The following ROS1 variants were observed in gnomAD, a reference collection of about 807,000 sequenced individuals.
The protein encoded by ROS1 is proto-oncogene tyrosine-protein kinase ROS.
In ROS1, 263 loss-of-function variants were observed where a neutral mutation model predicts 273.5. The ratio of observed to expected loss-of-function variants is 0.96; its 90% confidence interval spans 0.87 to 1.06. The LOEUF is 1.06. Ranked by LOEUF, ROS1 falls within the 50% of genes least tolerant of loss-of-function variation. The pLI is 0.00. For synonymous variants in ROS1, 1,008 were observed against 954.1 expected, an observed-to-expected ratio of 1.06 and a Z score of -1.04; for missense variants, 2,833 against 2,751.1, an observed-to-expected ratio of 1.03 and a Z score of -0.67.
At position 117,344,200 on chromosome 6, in the gene ROS1, T is replaced by C. The variant is rs761724280; in HGVS notation, c.4366A>G (p.Thr1456Ala). ...AGAGGTAATCTGATTGTGAGGCTAG[T>C]GTTAGTGGCATTAAGTATAGTTGGT... ...VEPTILNATNTSLTIRLPLAK... is the reference protein window; with the variant it reads ...VEPTILNATNASLTIRLPLAK... Residue 1456 changes from threonine (T) to alanine (A), a missense_variant, in exon 28 of 44, where the codon ACT becomes GCT. Coordinates refer to ENST00000368507, the MANE Select transcript of ROS1 (RefSeq NM_001378902.1). 16 of 1,614,008 alleles carry C rather than the reference T, an allele frequency of 9.9e-6. No individual in the cohort carries two copies. Among genetic ancestry groups the C allele is most frequent in the Admixed American group, 1.7e-5 (1 of 59,994 alleles).
At chr6:117,381,175 A>G (rs1772098809) in intron 17 of ROS1, among the ~76,000 whole-genome samples, 1 of 150,034 alleles carries the variant, frequency 6.7e-6, no homozygotes, top group South Asian at 2.1e-4. Flanking sequence ...GAGGATTTGC[A>G]GAGGACTGTT....
At chr6:117,310,868 C>T in intron 40 of ROS1, 152 bp downstream of exon 40, 1 of 557,882 alleles carries the variant, frequency 1.8e-6, no homozygotes, top group Non-Finnish European at 3.1e-6. Context: ...TGTGTCTTTA[C>T]AGTAGAATGA....
Position 117,300,987 on chromosome 6 carries a change from A to G in ROS1, c.6702T>C (p.Asn2234=). Reference sequence around the variant, plus strand: ...AATCAAACTTACCTTCAAAGCTTTCATTTATGACTCCACTGTTGTTTGCTT... The same window carrying G: ...AATCAAACTTACCTTCAAAGCTTTCGTTTATGACTCCACTGTTGTTTGCTT... The part of the protein sequence containing the change: ...RDEANNSGVI[N]ESFEGEDGDV... The change falls in exon 43 of 44, where the codon AAT becomes AAC. Residue 2234 remains asparagine, a synonymous_variant. Coordinates refer to ENST00000368507, the MANE Select transcript of ROS1 (RefSeq NM_001378902.1). 6.4e-7 allele frequency: 1 copy of G among 1,569,150 alleles called. No individual in the cohort carries two copies. The highest frequency in any genetic ancestry group is 8.6e-7 in the Non-Finnish European group (1 of 1,162,494).
intron 32 of ROS1, among the ~76,000 whole-genome samples, chr6:117,334,436 A>T (rs1003269390): frequency 3.3e-5 from 5 of 152,208 alleles, no homozygotes; most frequent in African/African-American, 1.2e-4. Flanking sequence ...TAATTTATAG[A>T]TTCAATGCTA....
intron 36 of ROS1, among the ~76,000 whole-genome samples, chr6:117,320,972 C>A (rs1776248817): frequency 6.6e-6 from 1 of 152,096 alleles, no homozygotes; most frequent in Non-Finnish European, 1.5e-5. Flanking sequence ...ACCATGTTAC[C>A]ATCTATTCTC....
Position 117,379,088 on chromosome 6 carries a change from G to T in ROS1, c.2553C>A (p.His851Gln). 1 of 1,612,974 alleles carries T rather than the reference G, an allele frequency of 6.2e-7. No homozygotes were observed. The highest frequency in any genetic ancestry group is 2.2e-5 in the East Asian group (1 of 44,858). Residue 851 changes from histidine to glutamine, a missense_variant, in exon 18 of 44, where the codon CAC (histidine) becomes CAA (glutamine). Transcript: ENST00000368507. Reference protein sequence around the residue: ...YWLVQDSQCIHLYTAVLRGQS... With the variant: ...YWLVQDSQCIQLYTAVLRGQS... ...GTCCCCGAAGAACAGCTGTGTACAG[G>T]TGAATACATTGACTGTCTTGAACCA...
At chr6:117,300,571 A>C (rs746755281) in intron 43 of ROS1, among the ~76,000 whole-genome samples, 17 of 152,094 alleles carry the variant, frequency 1.1e-4, no homozygotes, top group Admixed American at 3.9e-4. Flanking sequence ...AAAATGGCTA[A>C]ACAAACAAAC....
At chr6:117,340,074 C>G (rs1199880980) in intron 31 of ROS1, among the ~76,000 whole-genome samples, 1 of 152,112 alleles carries the variant, frequency 6.6e-6, no homozygotes, top group Admixed American at 6.6e-5. Context: ...TTAGACTGAA[C>G]TGCATTAAGT....
chr6:117,292,346 C>G (rs569310607), intron 43 of ROS1, among the ~76,000 whole-genome samples: 1 of 152,250 alleles, frequency 6.6e-6, no homozygotes, highest in Non-Finnish European at 1.5e-5. Flanking sequence ...TTTTAGAATA[C>G]AAGTCAACTG....
intron 7 of ROS1, among the ~76,000 whole-genome samples, chr6:117,400,969 C>G (rs1485799797): frequency 6.6e-6 from 1 of 152,138 alleles, no homozygotes; most frequent in East Asian, 1.9e-4. Flanking sequence ...TTTGCTTGGC[C>G]AAAACAGAAC....
At chr6:117,363,807 A>T (rs1343485350) in intron 21 of ROS1, among the ~76,000 whole-genome samples, 1 of 152,136 alleles carries the variant, frequency 6.6e-6, no homozygotes, top group African/African-American at 2.4e-5. Context: ...AGTATCTATT[A>T]TCATTTGCTG....
intron 18 of ROS1, among the ~76,000 whole-genome samples, chr6:117,368,994 A>C (rs1780504159): frequency 6.6e-6 from 1 of 152,290 alleles, no homozygotes; most frequent in South Asian, 2.1e-4. Flanking sequence ...TTTTTTAATG[A>C]GCCAACTAGA....
Position 117,394,748 on chromosome 6 carries a change from A to T in ROS1, c.884-10T>A. The T allele has an allele frequency of 6.2e-7, 1 of 1,605,746 alleles. No individual in the cohort carries two copies. Among genetic ancestry groups the T allele is most frequent in the Non-Finnish European group, 8.5e-7 (1 of 1,176,332 alleles). On this transcript the variant is annotated splice_polypyrimidine_tract_variant and intron_variant, in intron 9 of 43. Coordinates refer to ENST00000368507, the MANE Select transcript of ROS1 (RefSeq NM_001378902.1). Reference sequence around the variant, plus strand: ...TGTTCCTCTTGTTGAACTGAAAAAAACAACACAATTTGCAGACAGGTAGAC... The same window carrying T: ...TGTTCCTCTTGTTGAACTGAAAAAATCAACACAATTTGCAGACAGGTAGAC...
chr6:117,289,278 T>C (rs929993963), intron 43 of ROS1, among the ~76,000 whole-genome samples: 5 of 152,238 alleles, frequency 3.3e-5, no homozygotes, highest in Admixed American at 1.3e-4. Flanking sequence ...CTAAATTAAT[T>C]GCTTAATGTA....
chr6:117,416,409 C>T, intron 2 of ROS1, 92 bp from the exon 3 acceptor site: 1 of 823,258 alleles, frequency 1.2e-6, no homozygotes, highest in Non-Finnish European at 2.1e-6. Context: ...CAAAAGGCAT[C>T]ACTCTGTGTT....
Position 117,385,685 on chromosome 6 carries a change from CAT to C in ROS1, c.2285_2286del (p.Tyr762CysfsTer24), listed in dbSNP as rs1772511458. On this transcript the variant is annotated frameshift_variant, in exon 16 of 44. Coordinates refer to ENST00000368507, the MANE Select transcript of ROS1 (RefSeq NM_001378902.1). LOFTEE classifies it high-confidence loss of function. ...GHFLYWAGKT[Y>X]VIQRQSVLTG... ...CAGAATGCCATGCTTTAACTCACCA[CAT>C]ATGTCTTTCCAGCCCAGTAGAGAAA... 1.9e-6 allele frequency: 3 copies of C among 1,613,950 alleles called. No homozygotes were observed. Among genetic ancestry groups the C allele is most frequent in the Non-Finnish European group, 2.5e-6 (3 of 1,179,972 alleles).
Position 117,393,881 on chromosome 6 carries a change from C to A in ROS1, c.1191+281G>T, listed in dbSNP as rs1773275820. On this transcript the variant is annotated intron_variant, in intron 11 of 43. Coordinates refer to ENST00000368507, the MANE Select transcript of ROS1 (RefSeq NM_001378902.1). The stretch of plus-strand genomic sequence containing the variant: ...GTCTTACCTAACAATAAGACAGGTA[C>A]CACCACTATCTTATAGAAGATGAAT... 2.0e-5 allele frequency among the ~76,000 whole-genome samples: 3 copies of A among 152,100 alleles called. No individual in the cohort carries two copies. In the South Asian group the frequency reaches 6.2e-4, roughly 32 times the overall value.
chr6:117,394,782 G>T (rs761862170), intron 9 of ROS1, 44 bp from the exon 10 acceptor site: 87 of 1,538,468 alleles, frequency 5.7e-5, no homozygotes, highest in Non-Finnish European at 7.5e-5. Flanking sequence ...ACCAACCACA[G>T]GTACACTAAC....
At chr6:117,299,261 TC>T (rs1282437121) in intron 43 of ROS1, 1 of 152,244 alleles carries the variant, frequency 6.6e-6, no homozygotes, top group African/African-American at 2.4e-5. Flanking sequence ...GGATCCAAAG[TC>T]ACCCAAAATA....
Sources: allele counts gnomAD v4.1 joint callset (sites outside exome capture counted in the v4.1 genomes callset), GRCh38; gene constraint gnomAD v4.1.1; transcripts MANE v1.5; gene names NCBI Gene and HGNC (gene_info 2026-07-23, HGNC 2026-07-21).